Variants in MCTP2 observed in about 807,000 individuals in gnomAD.
MCTP2 encodes multiple C2 and transmembrane domain containing 2.
Under a neutral mutation model 111.6 loss-of-function variants are expected in MCTP2, and 132 were observed. The ratio of observed to expected loss-of-function variants is 1.18; its 90% CI spans 1.03 to 1.37. MCTP2 has a LOEUF of 1.37. Among genes scored for constraint, MCTP2 ranks in the 40% most tolerant of loss-of-function variants. The pLI is 0.00. For missense variants in MCTP2, 1,183 were observed against 1,067.9 expected, an observed-to-expected ratio of 1.11 and a Z score of -1.50; for synonymous variants, 395 against 387.7, an observed-to-expected ratio of 1.02 and a Z score of -0.22.
chr15:94,244,024 C>T (rs966354311), intron 1 of MCTP2, among the ~76,000 whole-genome samples: 3 of 144,674 alleles, frequency 2.1e-5, no homozygotes, highest in Non-Finnish European at 4.6e-5. Context: ...TATACACATA[C>T]GTATGTGTAT....
At chr15:94,416,318 G>A (rs1036599852) in intron 17 of MCTP2, among the ~76,000 whole-genome samples, 4 of 151,898 alleles carry the variant, frequency 2.6e-5, no homozygotes, top group South Asian at 2.1e-4. Context: ...TTCGGCTGAC[G>A]GCACTGTATT....
At chr15:94,288,452 G>A (rs1275156264) in intron 1 of MCTP2, among the ~76,000 whole-genome samples, 4 of 152,198 alleles carry the variant, frequency 2.6e-5, no homozygotes, top group African/African-American at 4.8e-5. Context: ...TACAAGCAGG[G>A]CATATCTAAA....
intron 19 of MCTP2, among the ~76,000 whole-genome samples, chr15:94,448,326 G>T (rs1380111443): frequency 6.6e-6 from 1 of 152,084 alleles, no homozygotes; most frequent in Non-Finnish European, 1.5e-5. Context: ...TCTAAGGATT[G>T]TAGTATATTA....
intron 17 of MCTP2, chr15:94,402,578 C>T (rs1246114872): frequency 1.3e-6 from 2 of 1,551,534 alleles, no homozygotes; most frequent in Admixed American, 3.9e-5. Context: ...ATCGCAGAAT[C>T]AAAGCGCTGC....
intron 12 of MCTP2, among the ~76,000 whole-genome samples, chr15:94,372,799 G>A (rs1165098622): frequency 7.9e-5 from 12 of 151,848 alleles, no homozygotes; most frequent in South Asian, 2.1e-4. Flanking sequence ...CATTTACTCC[G>A]GATAACCAGG....
chr15:94,405,468 T>C (rs2081854028), intron 17 of MCTP2, among the ~76,000 whole-genome samples: 1 of 152,146 alleles, frequency 6.6e-6, no homozygotes, highest in Non-Finnish European at 1.5e-5. Context: ...GCTCTTAAGA[T>C]CTAGGTCCGC....
intron 10 of MCTP2, among the ~76,000 whole-genome samples, chr15:94,361,056 C>T (rs1379659994): frequency 1.5e-4 from 12 of 81,894 alleles, no homozygotes; most frequent in African/African-American, 3.7e-4. Context: ...ATGGTTCCTT[C>T]TTCCTGGCTA....
rs1319744134 is a variant in MCTP2, at chr15:94,299,018, C to CCTCCCTCT, written c.465+296_465+303dup. On this transcript the variant is annotated intron_variant, in intron 2 of 22. Coordinates refer to ENST00000357742, the MANE Select transcript of MCTP2 (RefSeq NM_001385001.1). ...CTCCCTCTCCCTCTCTCCCTCTCTC[C>CCTCCCTCT]CTCCCTCTCTCCCTCCCCCTCCCCC... Among the ~76,000 whole-genome samples, 211 of 85,928 alleles carry CCTCCCTCT rather than the reference C, an allele frequency of 2.5e-3. 2 individuals carry two copies. Among genetic ancestry groups the CCTCCCTCT allele is most frequent in the Non-Finnish European group, 4.4e-3 (188 of 42,632 alleles). 56.4% of individuals were successfully genotyped at this position (85,928 alleles called of 152,430 possible). A position where few individuals can be genotyped will look rare whatever the true frequency, so the allele number is the denominator to read the frequency against.
intron 2 of MCTP2, among the ~76,000 whole-genome samples, chr15:94,306,836 G>T (rs1009713937): frequency 1.3e-5 from 2 of 152,280 alleles, no homozygotes; most frequent in South Asian, 2.1e-4. Flanking sequence ...TCCAGAAATG[G>T]CTTGGCAACT....
chr15:94,340,198 G>A lies in MCTP2; in HGVS notation c.781-1G>A, dbSNP rs971984155. 6.2e-7 allele frequency: 1 copy of A among 1,608,108 alleles called. No individual in the cohort carries two copies. ...TTAATTGACCTCTGTCCTCTTTGTA[G>A]GTATATGATCGAGATTTAACCACAT... On this transcript the variant is annotated splice_acceptor_variant, in intron 5 of 22. Transcript: ENST00000357742. LOFTEE classifies it high-confidence loss of function.
chr15:94,252,843 A>G (rs2072528254), intron 1 of MCTP2, among the ~76,000 whole-genome samples: 1 of 152,186 alleles, frequency 6.6e-6, no homozygotes, highest in Admixed American at 6.5e-5. Context: ...TGTGGTTAAT[A>G]TCTGAACCTT....
At chr15:94,284,862 C>T (rs960611996) in intron 1 of MCTP2, among the ~76,000 whole-genome samples, 1 of 152,134 alleles carries the variant, frequency 6.6e-6, no homozygotes, top group Non-Finnish European at 1.5e-5. Flanking sequence ...AAGGCCTTTA[C>T]AACTATTTAG....
chr15:94,328,725 A>G (rs1245694303), intron 4 of MCTP2, among the ~76,000 whole-genome samples: 1 of 152,198 alleles, frequency 6.6e-6, no homozygotes, highest in Non-Finnish European at 1.5e-5. Context: ...CTTGAATCTC[A>G]GTAGCAACCA....
intron 21 of MCTP2, among the ~76,000 whole-genome samples, chr15:94,476,081 A>C (rs546987877): frequency 6.6e-6 from 1 of 152,294 alleles, no homozygotes; most frequent in Admixed American, 6.5e-5. Flanking sequence ...TACAATCAAC[A>C]TGTCAGGTTC....
In MCTP2 at chr15:94,483,306, A is replaced by G. The variant is rs545825935; in HGVS notation, c.*4272A>G. ...GAAGACAGGGTGGGTGTTTCCTCAA[A>G]AACCTAAAGACAGAAATACCATTTG... On this transcript the variant is annotated 3_prime_UTR_variant, in exon 23 of 23. Transcript: ENST00000357742. 1.3e-5 allele frequency: 2 copies of G among 152,346 alleles called. No individual in the cohort carries two copies. The highest frequency in any genetic ancestry group is 4.1e-4 in the South Asian group (2 of 4,824). The allele number at this position is 152,346 out of a possible 1,614,324, so 9.4% of individuals were successfully genotyped here. A position where few individuals can be genotyped will look rare whatever the true frequency, so the allele number is the denominator to read the frequency against.
At chr15:94,243,021 G>A (rs1234868926) in intron 1 of MCTP2, among the ~76,000 whole-genome samples, 3 of 84,714 alleles carry the variant, frequency 3.5e-5, no homozygotes, top group Admixed American at 1.0e-4. Context: ...ACGTGTATAT[G>A]TGTATCTACA....
chr15:94,324,543 A>T (rs898740573), intron 4 of MCTP2, among the ~76,000 whole-genome samples: 1 of 152,208 alleles, frequency 6.6e-6, no homozygotes, highest in Admixed American at 6.5e-5. Flanking sequence ...GTTTTAGTGG[A>T]TGAAAATAAA....
In MCTP2 at chr15:94,442,834, G is replaced by A. The variant is rs1281372845; in HGVS notation, c.2209-85G>A. On this transcript the variant is annotated intron_variant, in intron 18 of 22. Coordinates refer to ENST00000357742, the MANE Select transcript of MCTP2 (RefSeq NM_001385001.1). ...AAAATATAAATGCTTGAAGTCTGTA[G>A]GCAAGCTTTAAAATGTGTCTGAGTT... 3 of 1,124,232 alleles carry A rather than the reference G, an allele frequency of 2.7e-6. No individual in the cohort carries two copies. The African/African-American group carries it at 4.6e-5, about 17-fold the overall frequency. 69.6% of individuals were successfully genotyped at this position (1,124,232 alleles called of 1,614,324 possible).
chr15:94,273,711 T>C (rs928142284), intron 1 of MCTP2: 24 of 174,388 alleles, frequency 1.4e-4, no homozygotes, highest in Non-Finnish European at 9.1e-5. Context: ...GTAGTCAAGT[T>C]GTACAGAAAG....
Sources: gnomAD v4.1 joint callset for allele counts (sites outside exome capture counted in the v4.1 genomes callset) on GRCh38, gnomAD v4.1.1 for gene constraint, MANE v1.5 for transcripts, NCBI Gene and HGNC (gene_info 2026-07-23, HGNC 2026-07-21) for gene names.